PTPRK: variants seen among roughly 807,000 people sequenced by gnomAD.
PTPRK encodes the protein protein tyrosine phosphatase receptor type K, also known as receptor-type tyrosine-protein phosphatase kappa.
A neutral mutation model predicts 178.0 loss-of-function variants in PTPRK; 75 were observed. The observed-to-expected ratio is 0.42, with a 90% CI of 0.35 to 0.51. The LOEUF is 0.51. Among genes scored for constraint, PTPRK ranks in the 20% least tolerant of loss-of-function variants. The pLI, the probability that PTPRK is intolerant of heterozygous loss-of-function variation, is 0.02. For synonymous variants in PTPRK, 637 were observed against 620.6 expected, an observed-to-expected ratio of 1.03 and a Z score of -0.39; for missense variants, 1,441 against 1,797.8, an observed-to-expected ratio of 0.80 and a Z score of 3.59.
intron 13 of PTPRK, among the ~76,000 whole-genome samples, chr6:128,036,677 C>A (rs1776273249): frequency 6.6e-6 from 1 of 151,128 alleles, no homozygotes; most frequent in African/African-American, 2.4e-5. Flanking sequence ...TGTAAAGGAA[C>A]CTACCATTCA....
At position 128,176,642 on chromosome 6, in the gene PTPRK, A is replaced by C. The variant is rs967117705; in HGVS notation, c.1162+7790T>G. 3.3e-5 allele frequency among the ~76,000 whole-genome samples: 5 copies of C among 151,880 alleles called. No homozygotes were observed. The East Asian group carries it at 9.7e-4, about 29-fold the overall frequency. On this transcript the variant is annotated intron_variant, in intron 7 of 29. Transcript: ENST00000368226. Reference sequence around the variant, plus strand: ...TTCACTCATTTGCTTTTTCCTTTGAACATGCTTTTTTTCCCCTCTGCAGTT... The same window carrying C: ...TTCACTCATTTGCTTTTTCCTTTGACCATGCTTTTTTTCCCCTCTGCAGTT...
intron 1 of PTPRK, among the ~76,000 whole-genome samples, chr6:128,445,219 T>TAA (rs1202049009): frequency 7.1e-6 from 1 of 139,876 alleles, no homozygotes; most frequent in Non-Finnish European, 1.5e-5. Context: ...TATATATATA[T>TAA]AATTTATATA....
At chr6:128,322,392 T>C in intron 2 of PTPRK, 82 bp from the exon 3 acceptor site, 1 of 1,321,532 alleles carries the variant, frequency 7.6e-7, no homozygotes, top group Non-Finnish European at 1.1e-6. Context: ...GCTAATCCAT[T>C]CTGAGCATTA....
At chr6:127,980,458 C>T (rs1435772248) in intron 25 of PTPRK, among the ~76,000 whole-genome samples, 1 of 151,822 alleles carries the variant, frequency 6.6e-6, no homozygotes, top group Admixed American at 6.6e-5. Context: ...TGCCACTGCA[C>T]TCCAGCCTGG....
At chr6:128,124,413 C>T (rs900439647) in intron 7 of PTPRK, among the ~76,000 whole-genome samples, 19 of 152,080 alleles carry the variant, frequency 1.2e-4, no homozygotes, top group African/African-American at 4.3e-4. Context: ...CTGTTTAACA[C>T]ATTAGATATT....
intron 1 of PTPRK, among the ~76,000 whole-genome samples, chr6:128,510,860 G>GAT (rs1180621348): frequency 5.3e-5 from 8 of 151,448 alleles, no homozygotes; most frequent in Admixed American, 2.6e-4. Context: ...TAAGGAAAAT[G>GAT]ATATATATAT....
intron 1 of PTPRK, among the ~76,000 whole-genome samples, chr6:128,490,551 T>A (rs1853629030): frequency 6.6e-6 from 1 of 152,196 alleles, no homozygotes; most frequent in African/African-American, 2.4e-5. Flanking sequence ...TGAGAAGCAG[T>A]ACAGCATGGT....
At chr6:128,345,690 T>C (rs945957838) in intron 2 of PTPRK, among the ~76,000 whole-genome samples, 1 of 152,206 alleles carries the variant, frequency 6.6e-6, no homozygotes, top group African/African-American at 2.4e-5. Flanking sequence ...CTTCAGTACA[T>C]AACTCAGGCT....
chr6:128,185,967 T>C (rs1014639696), intron 6 of PTPRK, among the ~76,000 whole-genome samples: 13 of 152,158 alleles, frequency 8.5e-5, no homozygotes, highest in Admixed American at 7.2e-4. Context: ...TAACCCTGAT[T>C]GTATAAAAGT....
intron 7 of PTPRK, among the ~76,000 whole-genome samples, chr6:128,150,909 T>C (rs1182234969): frequency 1.3e-5 from 2 of 152,142 alleles, no homozygotes; most frequent in African/African-American, 4.8e-5. Context: ...GTAAGGTGAT[T>C]AGCATGCATA....
chr6:128,120,073 T>A (rs1245919351), intron 7 of PTPRK, among the ~76,000 whole-genome samples: 1 of 151,970 alleles, frequency 6.6e-6, no homozygotes, highest in African/African-American at 2.4e-5. Context: ...GAAAGAAATG[T>A]TGTTAACTAA....
intron 1 of PTPRK, among the ~76,000 whole-genome samples, chr6:128,402,192 TAC>T (rs1841109205): frequency 6.6e-6 from 1 of 152,184 alleles, no homozygotes; most frequent in Admixed American, 6.5e-5. Context: ...ATCTGAGTAA[TAC>T]AGTTTATTCC....
At chr6:127,987,409 A>G (rs781747773) in intron 21 of PTPRK, among the ~76,000 whole-genome samples, 12 of 152,070 alleles carry the variant, frequency 7.9e-5, no homozygotes, top group Admixed American at 2.0e-4. Context: ...CCGTAAGTAC[A>G]CTTTTGTGTT....
chr6:128,372,830 G>A (rs1836475913), intron 2 of PTPRK, among the ~76,000 whole-genome samples: 2 of 152,074 alleles, frequency 1.3e-5, no homozygotes. Flanking sequence ...TTTCTGGTAA[G>A]TCAGTGTCCT....
chr6:128,443,187 G>A (rs1022434718), intron 1 of PTPRK, among the ~76,000 whole-genome samples: 13 of 152,124 alleles, frequency 8.5e-5, no homozygotes, highest in African/African-American at 2.9e-4. Context: ...ATTTCACATG[G>A]TTATCAGTAC....
chr6:128,293,586 T>C (rs1823766422), intron 3 of PTPRK, among the ~76,000 whole-genome samples: 1 of 152,102 alleles, frequency 6.6e-6, no homozygotes, highest in South Asian at 2.1e-4. Flanking sequence ...GACTGGGATT[T>C]CTAAGACCTT....
chr6:128,148,384 TA>T (rs1276364751), intron 7 of PTPRK, among the ~76,000 whole-genome samples: 1 of 152,292 alleles, frequency 6.6e-6, no homozygotes, highest in Admixed American at 6.5e-5. Context: ...TGTAAAATGC[TA>T]TGCAAAGCAT....
intron 6 of PTPRK, among the ~76,000 whole-genome samples, chr6:128,190,479 G>A (rs1056471342): frequency 1.4e-5 from 2 of 138,584 alleles, no homozygotes; most frequent in East Asian, 4.7e-4. Context: ...ATCAATTCAA[G>A]TGATAGATAC....
intron 6 of PTPRK, among the ~76,000 whole-genome samples, chr6:128,202,644 CG>C (rs1562782707): frequency 6.6e-6 from 1 of 152,080 alleles, no homozygotes; most frequent in Non-Finnish European, 1.5e-5. Context: ...CTAAGAAGGA[CG>C]GAGTTCCCCA....
Sources: gnomAD v4.1 joint callset for allele counts (sites outside exome capture counted in the v4.1 genomes callset) on GRCh38, gnomAD v4.1.1 for gene constraint, MANE v1.5 for transcripts, NCBI Gene and HGNC (gene_info 2026-07-23, HGNC 2026-07-21) for gene names.